CRIM1: variants seen among roughly 807,000 people sequenced by gnomAD.
CRIM1 encodes cysteine-rich motor neuron 1 protein.
Under a neutral mutation model 116.4 loss-of-function variants are expected in CRIM1, and 32 were observed. That is an observed-to-expected ratio of 0.27 (90% confidence interval 0.21 to 0.37). The LOEUF (loss-of-function observed/expected upper bound fraction) is 0.37, where lower values mean the gene tolerates loss of function less well. Ranked by LOEUF, CRIM1 falls within the 10% of genes least tolerant of loss-of-function variation. The probability of loss-of-function intolerance (pLI) is 1.00; values close to 1 mark genes in which losing one functional copy is unlikely to be tolerated. For synonymous variants in CRIM1, 590 were observed against 509.2 expected (o/e 1.16, Z -2.13); for missense variants, 1,331 against 1,354.8 (o/e 0.98, Z 0.28).
At chr2:36,517,570 T>C in intron 12 of CRIM1, 28 bp downstream of exon 12, 1 of 1,592,904 alleles carries the variant, frequency 6.3e-7, no homozygotes, top group Non-Finnish European at 8.6e-7. Context: ...TTGTGGGTGC[T>C]TGGTGGGGAA....
intron 1 of CRIM1, among the ~76,000 whole-genome samples, chr2:36,385,523 G>C (rs1319474059): frequency 6.6e-6 from 1 of 152,140 alleles, no homozygotes; most frequent in Non-Finnish European, 1.5e-5. Flanking sequence ...TGATGGCTCT[G>C]CAGCTCTGTT....
At chr2:36,434,093 G>A (rs1675105360) in intron 2 of CRIM1, among the ~76,000 whole-genome samples, 1 of 152,164 alleles carries the variant, frequency 6.6e-6, no homozygotes, top group Non-Finnish European at 1.5e-5. Flanking sequence ...CATGGAATGT[G>A]TATGAAAAGA....
At chr2:36,459,197 C>A (rs115290334) in intron 4 of CRIM1, among the ~76,000 whole-genome samples, 4 of 152,084 alleles carry the variant, frequency 2.6e-5, no homozygotes, top group African/African-American at 9.7e-5. Context: ...TCAGCAGACT[C>A]TCCTGGAGAG....
intron 2 of CRIM1, among the ~76,000 whole-genome samples, chr2:36,397,674 G>A (rs1467667033): frequency 1.3e-5 from 2 of 152,150 alleles, no homozygotes; most frequent in East Asian, 1.9e-4. Flanking sequence ...GCTTATAAGG[G>A]CAGTAAAGCA....
At chr2:36,422,229 A>G (rs1204607017) in intron 2 of CRIM1, among the ~76,000 whole-genome samples, 1 of 151,852 alleles carries the variant, frequency 6.6e-6, no homozygotes, top group African/African-American at 2.4e-5. Context: ...GTTTTATCTT[A>G]TATATTCAAT....
At chr2:36,431,993 C>T (rs915004521) in intron 2 of CRIM1, among the ~76,000 whole-genome samples, 1 of 152,194 alleles carries the variant, frequency 6.6e-6, no homozygotes, top group South Asian at 2.1e-4. Flanking sequence ...TGCCACCTTC[C>T]GGTAAACATT....
At chr2:36,389,042 A>G (rs1671383734) in intron 1 of CRIM1, among the ~76,000 whole-genome samples, 1 of 152,210 alleles carries the variant, frequency 6.6e-6, no homozygotes, top group South Asian at 2.1e-4. Flanking sequence ...TTAGTATTCC[A>G]TTGTTTGAAA....
intron 2 of CRIM1, among the ~76,000 whole-genome samples, chr2:36,419,242 A>T (rs912514035): frequency 2.0e-5 from 3 of 152,182 alleles, no homozygotes; most frequent in African/African-American, 7.2e-5. Flanking sequence ...TGGTTGAGAG[A>T]GGACTTACTC....
intron 12 of CRIM1, among the ~76,000 whole-genome samples, chr2:36,521,009 C>CT (rs1001377518): frequency 1.4e-4 from 21 of 152,280 alleles, no homozygotes; most frequent in African/African-American, 5.1e-4. Context: ...TGTCTAGACT[C>CT]TTGAGTGGTG....
chr2:36,496,747 G>A (rs2125080112), intron 7 of CRIM1, among the ~76,000 whole-genome samples: 1 of 152,322 alleles, frequency 6.6e-6, no homozygotes, highest in African/African-American at 2.4e-5. Flanking sequence ...GTACCTAACT[G>A]TTGAAGCCAT....
In CRIM1 at chr2:36,430,170, A is replaced by G. The variant is rs1674772893; in HGVS notation, c.506-11088A>G. Among the ~76,000 whole-genome samples, 4 of 152,230 alleles carry G rather than the reference A, an allele frequency of 2.6e-5. No homozygotes were observed. The South Asian group carries it at 8.3e-4, about 31-fold the overall frequency. On this transcript the variant is annotated intron_variant, in intron 2 of 16. Coordinates refer to ENST00000280527, the MANE Select transcript of CRIM1 (RefSeq NM_016441.3). ...AATAGAAAAAGGTGCTTATAAACCC[A>G]TACTGACTGTGATGAACAGGGAGTA...
chr2:36,387,507 C>G (rs906483148), intron 1 of CRIM1, among the ~76,000 whole-genome samples: 2 of 152,134 alleles, frequency 1.3e-5, no homozygotes, highest in African/African-American at 4.8e-5. Context: ...AAACATGGAA[C>G]AGGGGAGAAG....
intron 13 of CRIM1, 99 bp from the exon 14 acceptor site, chr2:36,537,253 A>G: frequency 8.9e-7 from 1 of 1,125,482 alleles, no homozygotes; most frequent in Non-Finnish European, 1.3e-6. Context: ...CCTAAAGCAT[A>G]CTGTGATTAT....
intron 2 of CRIM1, among the ~76,000 whole-genome samples, chr2:36,417,508 C>T (rs1673709951): frequency 6.6e-6 from 1 of 152,280 alleles, no homozygotes; most frequent in East Asian, 1.9e-4. Flanking sequence ...ACCTTTCTTC[C>T]TTATTCTAGA....
intron 14 of CRIM1, among the ~76,000 whole-genome samples, chr2:36,541,131 TG>T (rs1026293227): frequency 2.6e-5 from 4 of 152,152 alleles, no homozygotes; most frequent in Non-Finnish European, 4.4e-5. Context: ...GTCCCATTCT[TG>T]CATCGGTTCA....
chr2:36,458,650 G>T (rs141158019), intron 4 of CRIM1, among the ~76,000 whole-genome samples: 1 of 152,268 alleles, frequency 6.6e-6, no homozygotes, highest in East Asian at 1.9e-4. Context: ...GAAGGTTGAG[G>T]TGCTTGGAGA....
intron 5 of CRIM1, among the ~76,000 whole-genome samples, chr2:36,472,483 C>G (rs1678606411): frequency 6.6e-6 from 1 of 152,144 alleles, no homozygotes; most frequent in Non-Finnish European, 1.5e-5. Context: ...CTCCCTTGAT[C>G]CTTGTGCTTT....
In CRIM1 at chr2:36,473,698, C is replaced by A. The variant is rs76276129; in HGVS notation, c.992-3191C>A. 9.8e-3 allele frequency among the ~76,000 whole-genome samples: 1,488 copies of A among 152,166 alleles called. 24 individuals are homozygous for A. The highest frequency in any genetic ancestry group is 0.035 in the African/African-American group (1,435 of 41,518). ...GTGTCATTCATGTTATATTGCATATCAGAACTTCATTTCTTTTTATGGCCA... is the reference window on the plus strand; with the variant it reads ...GTGTCATTCATGTTATATTGCATATAAGAACTTCATTTCTTTTTATGGCCA... On this transcript the variant is annotated intron_variant, in intron 5 of 16. Coordinates refer to ENST00000280527, the MANE Select transcript of CRIM1 (RefSeq NM_016441.3).
intron 2 of CRIM1, among the ~76,000 whole-genome samples, chr2:36,419,401 T>C (rs1005131484): frequency 2.0e-5 from 3 of 152,244 alleles, no homozygotes; most frequent in African/African-American, 7.2e-5. Flanking sequence ...TTTGTTAATA[T>C]TCTAATCTCC....
Sources: allele counts gnomAD v4.1 joint callset (sites outside exome capture counted in the v4.1 genomes callset), GRCh38; gene constraint gnomAD v4.1.1; transcripts MANE v1.5; gene names NCBI Gene and HGNC (gene_info 2026-07-23, HGNC 2026-07-21).